SPHKAP: variants seen among roughly 807,000 people sequenced by gnomAD.
SPHKAP encodes A-kinase anchor protein SPHKAP.
A neutral mutation model predicts 137.5 loss-of-function variants in SPHKAP; 67 were observed. The ratio of observed to expected loss-of-function variants is 0.49; its 90% CI spans 0.40 to 0.60. The LOEUF (loss-of-function observed/expected upper bound fraction) is 0.60, where lower values mean the gene tolerates loss of function less well. Ranked by LOEUF, SPHKAP falls within the 20% of genes least tolerant of loss-of-function variation. The pLI, the probability that SPHKAP is intolerant of heterozygous loss-of-function variation, is 0.00. For missense variants in SPHKAP, 2,097 were observed against 2,069.3 expected (o/e 1.01, Z -0.26); for synonymous variants, 813 against 785.3 (o/e 1.04, Z -0.59).
intron 1 of SPHKAP, among the ~76,000 whole-genome samples, chr2:228,175,872 G>A (rs1468182417): frequency 6.6e-6 from 1 of 152,070 alleles, no homozygotes; most frequent in African/African-American, 2.4e-5. Context: ...GCTAATATCA[G>A]ATAAAGTCAA....
chr2:228,023,770 C>A (rs976407036), intron 5 of SPHKAP, among the ~76,000 whole-genome samples: 16 of 152,274 alleles, frequency 1.1e-4, no homozygotes, highest in Middle Eastern at 3.4e-3. Flanking sequence ...TCAGCAGAGT[C>A]CAAGTGATTC....
chr2:228,031,127 G>A (rs1695295594), intron 3 of SPHKAP, among the ~76,000 whole-genome samples: 2 of 152,314 alleles, frequency 1.3e-5, no homozygotes, highest in South Asian at 4.1e-4. Flanking sequence ...TCAAAGAAAG[G>A]GGTGACAGAC....
rs201594893 is a variant in SPHKAP, at chr2:228,108,983, T to C, written c.139-44A>G. 39 of 1,324,290 alleles carry C rather than the reference T, an allele frequency of 2.9e-5. No homozygotes were observed. The East Asian group carries it at 7.6e-4, about 26-fold the overall frequency. 82.0% of individuals were successfully genotyped at this position (1,324,290 alleles called of 1,614,324 possible). ...ACTCAGTTCTTATTCGGCAATCCTT[T>C]CTATCTAAACAGCAGCTCTCTCTCT... is the stretch of plus-strand genomic sequence containing the variant. On this transcript the variant is annotated intron_variant, in intron 2 of 11. Coordinates refer to ENST00000392056, the MANE Select transcript of SPHKAP (RefSeq NM_001142644.2).
chr2:227,983,805 G>A (rs763520823), intron 11 of SPHKAP, among the ~76,000 whole-genome samples: 1 of 152,186 alleles, frequency 6.6e-6, no homozygotes, highest in Non-Finnish European at 1.5e-5. Flanking sequence ...GGAGGTTATA[G>A]ATCTAGGAAA....
chr2:228,120,668 T>C (rs1411343585), intron 2 of SPHKAP, among the ~76,000 whole-genome samples: 1 of 152,150 alleles, frequency 6.6e-6, no homozygotes, highest in Non-Finnish European at 1.5e-5. Flanking sequence ...AGAGGACTAG[T>C]TAGAGCTTGG....
intron 3 of SPHKAP, among the ~76,000 whole-genome samples, chr2:228,041,384 C>T (rs1028972379): frequency 6.6e-6 from 1 of 152,170 alleles, no homozygotes; most frequent in Admixed American, 6.5e-5. Flanking sequence ...GTGGCTCACA[C>T]CTGTAGTCCC....
chr2:228,169,394 G>A (rs1700514343), intron 1 of SPHKAP, among the ~76,000 whole-genome samples: 1 of 151,988 alleles, frequency 6.6e-6, no homozygotes, highest in Non-Finnish European at 1.5e-5. Flanking sequence ...GACTTTAACT[G>A]GAAGCTAATG....
At chr2:228,139,404 A>G (rs1466595188) in intron 1 of SPHKAP, among the ~76,000 whole-genome samples, 1 of 152,162 alleles carries the variant, frequency 6.6e-6, no homozygotes, top group Non-Finnish European at 1.5e-5. Context: ...TAAACTTCCT[A>G]ATGTAAGAAA....
rs758326368 is a variant in SPHKAP at position 228,131,988 on chromosome 2, A to G, written c.130T>C (p.Cys44Arg). 17 of 1,613,898 alleles carry G rather than the reference A, an allele frequency of 1.1e-5. No homozygotes were observed. Among genetic ancestry groups the G allele is most frequent in the Admixed American group, 5.0e-5 (3 of 60,002 alleles). ...GSGPGNSITA[C>R]KKVLRSNSLL... Reference sequence around the variant, plus strand: ...GCGTAAGGCAAGGTTACCTTCTTACAGGCTGTGATGGAGTTCCCCGGGCCG... The same window carrying G: ...GCGTAAGGCAAGGTTACCTTCTTACGGGCTGTGATGGAGTTCCCCGGGCCG... Residue 44 changes from cysteine to arginine, a missense_variant, in exon 2 of 12, where the codon TGT becomes CGT. Physicochemically the swap from Cys to Arg is radical, Grantham distance 180. Transcript: ENST00000392056.
At chr2:228,093,859 C>CAAAAAAAAAAAAAAA (rs11336381) in intron 3 of SPHKAP, among the ~76,000 whole-genome samples, 5 of 77,110 alleles carry the variant, frequency 6.5e-5, no homozygotes, top group African/African-American at 1.0e-4. Flanking sequence ...GACTCCGTTT[C>CAAAAAAAAAAAAAAA]AAAAAAAAAA....
chr2:228,020,063 C>T lies in SPHKAP; in HGVS notation c.791G>A (p.Trp264Ter). The T allele has an allele frequency of 1.2e-6, 2 of 1,614,164 alleles. No individual in the cohort carries two copies. Among genetic ancestry groups the T allele is most frequent in the Non-Finnish European group, 8.5e-7 (1 of 1,180,022 alleles). ...GTATTTGTCTTCCAAAGCATAAAGC[C>T]ACTTTTCCTTGTTGCAATTCCATTC... ...QVEWNCNKEK[W>*]LYALEDKYIN... Residue 264 changes from tryptophan (W) to a stop codon, truncating the protein, a stop_gained, in exon 7 of 12, where the codon TGG (tryptophan) becomes TAG (stop). Transcript: ENST00000392056. LOFTEE classifies it high-confidence loss of function.
At chr2:228,099,615 C>G (rs1053962179) in intron 3 of SPHKAP, among the ~76,000 whole-genome samples, 1 of 152,104 alleles carries the variant, frequency 6.6e-6, no homozygotes, top group Admixed American at 6.6e-5. Context: ...CTGCTTTGGG[C>G]AGTACGGCCA....
At chr2:228,043,365 C>T (rs146809480) in intron 3 of SPHKAP, among the ~76,000 whole-genome samples, 3,461 of 152,262 alleles carry the variant, frequency 0.023, 147 homozygotes, top group African/African-American at 0.079. Flanking sequence ...CTCGCTTTGT[C>T]GCCCAGGCTG....
chr2:228,060,941 G>T (rs963612375), intron 3 of SPHKAP, among the ~76,000 whole-genome samples: 1 of 152,202 alleles, frequency 6.6e-6, no homozygotes, highest in Non-Finnish European at 1.5e-5. Flanking sequence ...AGGGGAAAGC[G>T]ATGGCTTCAT....
chr2:228,179,233 T>C (rs996827892), intron 1 of SPHKAP, among the ~76,000 whole-genome samples: 2 of 152,198 alleles, frequency 1.3e-5, no homozygotes, highest in Non-Finnish European at 2.9e-5. Flanking sequence ...AAAAATGTTT[T>C]CAGACTTGGA....
intron 3 of SPHKAP, among the ~76,000 whole-genome samples, chr2:228,092,971 T>C (rs1697854949): frequency 6.6e-6 from 1 of 152,016 alleles, no homozygotes; most frequent in Non-Finnish European, 1.5e-5. Context: ...ACTGCTCAGG[T>C]AATGGGTGCA....
At chr2:228,175,630 A>C (rs1700716289) in intron 1 of SPHKAP, among the ~76,000 whole-genome samples, 1 of 152,188 alleles carries the variant, frequency 6.6e-6, no homozygotes, top group African/African-American at 2.4e-5. Flanking sequence ...TTTAAAAAGG[A>C]ATAAAAAACA....
chr2:228,002,924 T>A (rs1401593060), intron 7 of SPHKAP, among the ~76,000 whole-genome samples: 1 of 152,252 alleles, frequency 6.6e-6, no homozygotes, highest in Admixed American at 6.5e-5. Context: ...TCCATTCGTC[T>A]ATACCTCTGT....
chr2:228,088,831 A>C (rs1324542917), intron 3 of SPHKAP, among the ~76,000 whole-genome samples: 1 of 152,202 alleles, frequency 6.6e-6, no homozygotes, highest in African/African-American at 2.4e-5. Context: ...GCCTCACCAG[A>C]AGCTGAGCAT....
Sources: allele counts gnomAD v4.1 joint callset (sites outside exome capture counted in the v4.1 genomes callset), GRCh38; gene constraint gnomAD v4.1.1; transcripts MANE v1.5; gene names NCBI Gene and HGNC (gene_info 2026-07-23, HGNC 2026-07-21).